Variants in SNTG1 observed in about 807,000 individuals in gnomAD.
SNTG1 encodes syntrophin gamma 1.
A neutral mutation model predicts 74.7 loss-of-function variants in SNTG1; 39 were observed. That is an observed-to-expected ratio of 0.52 (90% CI 0.40 to 0.68). The LOEUF is 0.68. Ranked by LOEUF, SNTG1 falls within the 30% of genes least tolerant of loss-of-function variation. The pLI is 0.00. For synonymous variants in SNTG1, 254 were observed against 217.1 expected (o/e 1.17, Z -1.49); for missense variants, 685 against 609.5 (o/e 1.12, Z -1.30).
At chr8:50,768,362 GA>G (rs558311908) in intron 18 of SNTG1, among the ~76,000 whole-genome samples, 8 of 151,976 alleles carry the variant, frequency 5.3e-5, no homozygotes, top group Non-Finnish European at 8.8e-5. Flanking sequence ...TGAACATAAG[GA>G]TTGAATACAT....
At chr8:50,485,354 C>G (rs897708952) in intron 8 of SNTG1, among the ~76,000 whole-genome samples, 1 of 151,780 alleles carries the variant, frequency 6.6e-6, no homozygotes. Flanking sequence ...TAGATTTGGG[C>G]CAGGGTTTTT....
At chr8:50,136,170 G>T (rs1170002808) in intron 1 of SNTG1, among the ~76,000 whole-genome samples, 1 of 152,086 alleles carries the variant, frequency 6.6e-6, no homozygotes, top group Non-Finnish European at 1.5e-5. Context: ...GGATATTTAG[G>T]TTGATTTCAT....
intron 4 of SNTG1, among the ~76,000 whole-genome samples, chr8:50,413,514 C>A (rs2092976244): frequency 6.6e-6 from 1 of 152,196 alleles, no homozygotes; most frequent in Non-Finnish European, 1.5e-5. Flanking sequence ...CCATGCCCAT[C>A]CACGCCCCAT....
chr8:50,667,890 C>T (rs1045856267), intron 15 of SNTG1, among the ~76,000 whole-genome samples: 3 of 152,012 alleles, frequency 2.0e-5, no homozygotes, highest in African/African-American at 7.2e-5. Context: ...TCCTAAGCTA[C>T]AAGCTTCTGA....
chr8:50,766,378 T>C (rs770696000), intron 18 of SNTG1, among the ~76,000 whole-genome samples: 1 of 152,124 alleles, frequency 6.6e-6, no homozygotes, highest in South Asian at 2.1e-4. Context: ...ATGCAAATTA[T>C]TTTTTGCCTT....
chr8:49,937,002 C>A (rs776778895), intron 1 of SNTG1, among the ~76,000 whole-genome samples: 88 of 151,976 alleles, frequency 5.8e-4, no homozygotes, highest in African/African-American at 2.0e-3. Flanking sequence ...TACAAAAATT[C>A]GCCGGACGTG....
intron 2 of SNTG1, among the ~76,000 whole-genome samples, chr8:50,228,055 T>C (rs1393259790): frequency 6.6e-6 from 1 of 151,778 alleles, no homozygotes; most frequent in Non-Finnish European, 1.5e-5. Flanking sequence ...AAAATAGTTA[T>C]GTTTAATATG....
chr8:50,399,078 G>A (rs1044484052), intron 3 of SNTG1, among the ~76,000 whole-genome samples: 6 of 152,134 alleles, frequency 3.9e-5, no homozygotes, highest in Admixed American at 6.6e-5. Flanking sequence ...GTATTTCCAT[G>A]TGCACCAGCT....
intron 8 of SNTG1, among the ~76,000 whole-genome samples, chr8:50,479,756 G>A (rs933150294): frequency 3.9e-5 from 6 of 151,982 alleles, no homozygotes; most frequent in East Asian, 2.0e-4. Context: ...GGTTTCTACC[G>A]TTTCATGTTG....
intron 1 of SNTG1, among the ~76,000 whole-genome samples, chr8:50,004,939 A>G (rs1048183596): frequency 6.6e-6 from 1 of 152,210 alleles, no homozygotes; most frequent in African/African-American, 2.4e-5. Context: ...TGCTGAATTA[A>G]ACTGCGCATG....
At chr8:50,499,472 C>G (rs1431669827) in intron 8 of SNTG1, among the ~76,000 whole-genome samples, 1 of 149,410 alleles carries the variant, frequency 6.7e-6, no homozygotes, top group Non-Finnish European at 1.5e-5. Context: ...GCCATCATGT[C>G]ATCTGCAGAT....
At chr8:50,264,757 G>C (rs1586891487) in intron 2 of SNTG1, among the ~76,000 whole-genome samples, 1 of 152,076 alleles carries the variant, frequency 6.6e-6, no homozygotes, top group South Asian at 2.1e-4. Context: ...CATTTAAATA[G>C]AGAGAAGACT....
At chr8:50,197,448 A>G (rs2083818433) in intron 2 of SNTG1, among the ~76,000 whole-genome samples, 1 of 152,034 alleles carries the variant, frequency 6.6e-6, no homozygotes, top group Non-Finnish European at 1.5e-5. Context: ...TAATAGGTGC[A>G]CCTTTTCTCT....
rs1265843136 is a variant in SNTG1 at position 49,938,547 on chromosome 8, CTTTTCTTTTGT to C, written c.-103+26320_-103+26330del. On this transcript the variant is annotated intron_variant, in intron 1 of 18. Transcript: ENST00000642720. ...GTCCCTCCCTATCTTACCATGCCTT[CTTTTCTTTTGT>C]TTTCTTTTCTTTTCTTTTCTTTTCT... is the stretch of plus-strand genomic sequence containing the variant. 8.9e-3 allele frequency among the ~76,000 whole-genome samples: 494 copies of C among 55,686 alleles called. 12 individuals carry two copies. Among genetic ancestry groups the C allele is most frequent in the African/African-American group, 0.024 (460 of 19,450 alleles). The allele number at this position is 55,686 out of a possible 152,430, so 36.5% of individuals were successfully genotyped here.
intron 1 of SNTG1, among the ~76,000 whole-genome samples, chr8:50,025,763 T>C (rs1817211610): frequency 6.6e-6 from 1 of 152,234 alleles, no homozygotes; most frequent in African/African-American, 2.4e-5. Flanking sequence ...ACTATTATTT[T>C]ACTTTGTTAT....
intron 1 of SNTG1, among the ~76,000 whole-genome samples, chr8:50,095,008 C>T (rs1468777731): frequency 6.6e-6 from 1 of 152,168 alleles, no homozygotes; most frequent in Non-Finnish European, 1.5e-5. Flanking sequence ...TCCTTTGCAA[C>T]ATGGTTGCAG....
chr8:50,424,477 T>G (rs2093137150), intron 4 of SNTG1, among the ~76,000 whole-genome samples: 3 of 152,170 alleles, frequency 2.0e-5, no homozygotes, highest in Admixed American at 2.0e-4. Context: ...CGAAAGTCAC[T>G]AGTAAACACA....
At chr8:49,916,818 C>T (rs1036048514) in intron 1 of SNTG1, among the ~76,000 whole-genome samples, 11 of 151,172 alleles carry the variant, frequency 7.3e-5, no homozygotes, top group African/African-American at 2.7e-4. Context: ...CCAGCCTGGG[C>T]ACCACAGTGA....
At chr8:49,997,427 T>G (rs1176617772) in intron 1 of SNTG1, among the ~76,000 whole-genome samples, 2 of 152,158 alleles carry the variant, frequency 1.3e-5, no homozygotes, top group Non-Finnish European at 2.9e-5. Context: ...CCACCTTATT[T>G]CTCTGCTCCC....
Sources: gnomAD v4.1 joint callset for allele counts (sites outside exome capture counted in the v4.1 genomes callset) on GRCh38, gnomAD v4.1.1 for gene constraint, MANE v1.5 for transcripts, NCBI Gene and HGNC (gene_info 2026-07-23, HGNC 2026-07-21) for gene names.